MTR: variants seen among roughly 807,000 people sequenced by gnomAD.
The protein encoded by MTR is 5-methyltetrahydrofolate-homocysteine methyltransferase, also known as methionine synthase.
Under a neutral mutation model 154.8 loss-of-function variants are expected in MTR, and 84 were observed. The observed-to-expected ratio is 0.54, with a 90% CI of 0.45 to 0.65. The LOEUF is 0.65. MTR is among the 30% of genes least tolerant of loss of function. The pLI, the probability that MTR is intolerant of heterozygous loss-of-function variation, is 0.00. For missense variants in MTR, 1,275 were observed against 1,570.2 expected (o/e 0.81, Z 3.18); for synonymous variants, 554 against 553.9 (o/e 1.00, Z 0.00).
At chr1:236,825,526 C>G (rs1292412821) in intron 10 of MTR, 127 bp downstream of exon 10, 1 of 994,498 alleles carries the variant, frequency 1.0e-6, no homozygotes, top group Non-Finnish European at 1.6e-6. Context: ...AAAAGTTTAG[C>G]TATCCCAAAT....
chr1:236,809,951 A>G (rs1661204588), intron 4 of MTR, among the ~76,000 whole-genome samples: 1 of 152,192 alleles, frequency 6.6e-6, no homozygotes, highest in South Asian at 2.1e-4. Flanking sequence ...CTGATTTAGT[A>G]TTTCCTTCTA....
intron 8 of MTR, among the ~76,000 whole-genome samples, chr1:236,817,675 G>T (rs1287404843): frequency 6.6e-6 from 1 of 152,122 alleles, no homozygotes; most frequent in Admixed American, 6.5e-5. Context: ...TTTAACCCCT[G>T]TGTTAGATCA....
At chr1:236,846,910 C>A (rs1449219917) in intron 15 of MTR, among the ~76,000 whole-genome samples, 1 of 151,800 alleles carries the variant, frequency 6.6e-6, no homozygotes, top group African/African-American at 2.4e-5. Context: ...TTTTTGAGAT[C>A]AAGTCTCACT....
At chr1:236,857,339 A>G (rs992130602) in intron 18 of MTR, among the ~76,000 whole-genome samples, 7 of 152,180 alleles carry the variant, frequency 4.6e-5, no homozygotes, top group African/African-American at 1.2e-4. Context: ...TGTTACCACT[A>G]CTGAGTCCAG....
intron 3 of MTR, among the ~76,000 whole-genome samples, chr1:236,807,013 C>A (rs748135135): frequency 6.6e-6 from 1 of 152,092 alleles, no homozygotes; most frequent in South Asian, 2.1e-4. Context: ...TTCTACCTTT[C>A]GGCTATTGTG....
rs567620751 is a variant in MTR at position 236,892,669 on chromosome 1, A to G, written c.3204+1340A>G. ...ATGCACTTAGGCTCAGTAAATCCTC[A>G]CTGTATGCGCCCAGGCTCGGACGCC... On this transcript the variant is annotated intron_variant, in intron 29 of 32. Coordinates refer to ENST00000366577, the MANE Select transcript of MTR (RefSeq NM_000254.3). 5.9e-5 allele frequency among the ~76,000 whole-genome samples: 9 copies of G among 152,222 alleles called. No homozygotes were observed. In the East Asian group the frequency reaches 1.2e-3, roughly 20 times the overall value.
chr1:236,902,967 T>A lies in MTR; in HGVS notation c.*5323T>A, dbSNP rs964225323. The A allele has an allele frequency of 1.3e-5, 2 of 152,176 alleles. No individual in the cohort carries two copies. Among genetic ancestry groups the A allele is most frequent in the Non-Finnish European group, 2.9e-5 (2 of 68,032 alleles). 9.4% of individuals were successfully genotyped at this position (152,176 alleles called of 1,614,324 possible). On this transcript the variant is annotated 3_prime_UTR_variant, in exon 33 of 33. Transcript: ENST00000366577. ...GTATAAGGAAATATACACCAGTATA[T>A]GCATTAAAACGTCAAGAAGAGCTGG...
At chr1:236,880,879 G>C in intron 25 of MTR, 43 bp downstream of exon 25, 2 of 1,540,988 alleles carry the variant, frequency 1.3e-6, no homozygotes, top group Non-Finnish European at 1.8e-6. Flanking sequence ...GTGTTGGAAA[G>C]CTTGCATTAC....
chr1:236,884,269 C>T (rs781334324), intron 25 of MTR, among the ~76,000 whole-genome samples: 1 of 152,146 alleles, frequency 6.6e-6, no homozygotes, highest in Non-Finnish European at 1.5e-5. Flanking sequence ...GATTGCAGCT[C>T]TCATAGGGCT....
At chr1:236,894,998 C>G in intron 30 of MTR, 1 of 371,332 alleles carries the variant, frequency 2.7e-6, no homozygotes, top group Non-Finnish European at 5.0e-6. Context: ...AGAGCCTCTC[C>G]CTTTTCCTGC....
rs78162836 is a variant in MTR at position 236,874,525 on chromosome 1, C to T, written c.2474-201C>T. On this transcript the variant is annotated intron_variant, in intron 23 of 32. Coordinates refer to ENST00000366577, the MANE Select transcript of MTR (RefSeq NM_000254.3). ...GGCAAAGGTTGCAGTGAGCCGAGAT[C>T]GCGCCACTGCACTCCAACCTGGGCA... 8.8e-3 allele frequency among the ~76,000 whole-genome samples: 1,324 copies of T among 150,660 alleles called. 127 individuals are homozygous for T. The East Asian group carries it at 0.2, about 23-fold the overall frequency.
chr1:236,855,656 CA>C (rs1664161304), intron 18 of MTR, among the ~76,000 whole-genome samples: 1 of 152,198 alleles, frequency 6.6e-6, no homozygotes, highest in African/African-American at 2.4e-5. Context: ...ATAACCTACA[CA>C]ACCGTGAGGC....
chr1:236,887,080 G>A (rs990705270), intron 27 of MTR, among the ~76,000 whole-genome samples: 4 of 152,182 alleles, frequency 2.6e-5, no homozygotes, highest in African/African-American at 2.4e-5. Flanking sequence ...GCAGAGAGGC[G>A]TGAGACACAA....
At chr1:236,800,560 T>C (rs974282925) in intron 1 of MTR, 23 of 879,512 alleles carry the variant, frequency 2.6e-5, no homozygotes, top group Middle Eastern at 5.8e-4. Flanking sequence ...ATTTTCTTCT[T>C]TCACTCGACT....
intron 18 of MTR, among the ~76,000 whole-genome samples, chr1:236,856,924 T>A (rs1158720891): frequency 2.6e-5 from 4 of 152,224 alleles, no homozygotes; most frequent in African/African-American, 7.2e-5. Context: ...CTTTATCCAG[T>A]CTATCATTGA....
chr1:236,856,453 C>CTTCTTCT (rs368657166), intron 18 of MTR, among the ~76,000 whole-genome samples: 1 of 148,056 alleles, frequency 6.8e-6, no homozygotes, highest in Non-Finnish European at 1.5e-5. Context: ...TCCTCCTCTC[C>CTTCTTCT]TTCTTCTTTC....
At chr1:236,796,656 C>G (rs1209637455) in intron 1 of MTR, among the ~76,000 whole-genome samples, 4 of 151,964 alleles carry the variant, frequency 2.6e-5, no homozygotes, top group African/African-American at 9.7e-5. Context: ...GTTCTTGAAA[C>G]TAGTGGAACT....
chr1:236,887,752 A>C (rs1454970455), intron 27 of MTR, among the ~76,000 whole-genome samples: 1 of 152,226 alleles, frequency 6.6e-6, no homozygotes, highest in Non-Finnish European at 1.5e-5. Context: ...GAGGACAGCC[A>C]GTCCTAGGGT....
chr1:236,895,634 G>A (rs1365986026), intron 31 of MTR, 84 bp downstream of exon 31: 31 of 1,418,250 alleles, frequency 2.2e-5, no homozygotes, highest in Non-Finnish European at 2.9e-5. Context: ...GGTTAAACAT[G>A]TTTTTAAAAT....
Sources: gnomAD v4.1 joint callset for allele counts (sites outside exome capture counted in the v4.1 genomes callset) on GRCh38, gnomAD v4.1.1 for gene constraint, MANE v1.5 for transcripts, NCBI Gene and HGNC (gene_info 2026-07-23, HGNC 2026-07-21) for gene names.